GAB2: variants seen among roughly 807,000 people sequenced by gnomAD.
GAB2 encodes GRB2-associated-binding protein 2.
Under a neutral mutation model 65.5 loss-of-function variants are expected in GAB2, and 26 were observed. The observed-to-expected ratio is 0.40, with a 90% CI of 0.29 to 0.55. The LOEUF (loss-of-function observed/expected upper bound fraction) is 0.55. Among genes scored for constraint, GAB2 ranks in the 20% least tolerant of loss-of-function variants. GAB2 has a pLI of 0.53. For missense variants in GAB2, 884 were observed against 875.8 expected, an observed-to-expected ratio of 1.01 and a Z score of -0.12; for synonymous variants, 321 against 329.6, an observed-to-expected ratio of 0.97 and a Z score of 0.28.
chr11:78,390,484 G>A (rs534980707), intron 1 of GAB2, among the ~76,000 whole-genome samples: 5 of 152,294 alleles, frequency 3.3e-5, no homozygotes, highest in African/African-American at 1.2e-4. Context: ...AGCTACTCGG[G>A]AGGCTGATGC....
At chr11:78,375,042 AT>A (rs1856615681) in intron 1 of GAB2, among the ~76,000 whole-genome samples, 1 of 152,130 alleles carries the variant, frequency 6.6e-6, no homozygotes, top group Admixed American at 6.6e-5. Flanking sequence ...TATTTCGTTT[AT>A]TTATTTTGTA....
At chr11:78,304,245 G>A (rs1855301276) in intron 1 of GAB2, among the ~76,000 whole-genome samples, 1 of 151,866 alleles carries the variant, frequency 6.6e-6, no homozygotes, top group Non-Finnish European at 1.5e-5. Context: ...CCCCTTTCAA[G>A]TATACAATTT....
In GAB2 at chr11:78,215,480, ATAACT is replaced by A. The variant is rs1225384918; in HGVS notation, c.*3787_*3791del. On this transcript the variant is annotated 3_prime_UTR_variant, in exon 10 of 10. Transcript: ENST00000361507. Reference sequence around the variant, plus strand: ...AAAAAGAATACAACAGAATAAATTAATAACTTAAGTGATTAGGCACCAACAGTGAT... The same window carrying A: ...AAAAAGAATACAACAGAATAAATTAATAAGTGATTAGGCACCAACAGTGAT... The A allele has an allele frequency of 1.3e-5, 2 of 152,686 alleles. No homozygotes were observed. Among genetic ancestry groups the A allele is most frequent in the Non-Finnish European group, 2.9e-5 (2 of 68,050 alleles). 9.5% of individuals were successfully genotyped at this position (152,686 alleles called of 1,614,324 possible). A position where few individuals can be genotyped will look rare whatever the true frequency, so the allele number is the denominator to read the frequency against.
At chr11:78,277,935 T>C (rs1309191389) in intron 2 of GAB2, among the ~76,000 whole-genome samples, 1 of 152,234 alleles carries the variant, frequency 6.6e-6, no homozygotes, top group Admixed American at 6.5e-5. Flanking sequence ...CTCTGCCTTA[T>C]GCCCTTTGGC....
chr11:78,363,784 C>A (rs1856464111), intron 1 of GAB2, among the ~76,000 whole-genome samples: 1 of 151,906 alleles, frequency 6.6e-6, no homozygotes, highest in Admixed American at 6.6e-5. Context: ...TGGGGTTTTG[C>A]CACGTTGCCT....
intron 1 of GAB2, among the ~76,000 whole-genome samples, chr11:78,284,312 C>T (rs1866413972): frequency 6.6e-6 from 1 of 152,238 alleles, no homozygotes; most frequent in Non-Finnish European, 1.5e-5. Context: ...TTTCATCCTG[C>T]AGTCTATCCT....
At chr11:78,410,207 T>C (rs1282576070) in intron 1 of GAB2, among the ~76,000 whole-genome samples, 2 of 152,128 alleles carry the variant, frequency 1.3e-5, no homozygotes, top group African/African-American at 4.8e-5. Context: ...TAAACTACTA[T>C]ATAAAAAAAT....
intron 2 of GAB2, among the ~76,000 whole-genome samples, chr11:78,272,913 A>AG (rs1443699355): frequency 1.3e-5 from 2 of 152,234 alleles, no homozygotes; most frequent in Admixed American, 6.5e-5. Flanking sequence ...CGTGACTAAA[A>AG]GGGGCCAAGG....
intron 3 of GAB2, chr11:78,231,794 T>C (rs1864859705): frequency 6.6e-6 from 1 of 152,272 alleles, no homozygotes; most frequent in Non-Finnish European, 1.5e-5. Flanking sequence ...AGAACCCTAA[T>C]GATGAAGGAC....
chr11:78,347,675 T>A (rs10899481), intron 1 of GAB2, among the ~76,000 whole-genome samples: 38,740 of 151,900 alleles, frequency 0.26, 5,613 homozygotes, highest in East Asian at 0.41. Flanking sequence ...AGCTAAAACA[T>A]CTCCTACAAG....
intron 2 of GAB2, among the ~76,000 whole-genome samples, chr11:78,269,866 G>C (rs1865966798): frequency 6.6e-6 from 1 of 152,188 alleles, no homozygotes; most frequent in African/African-American, 2.4e-5. Context: ...TTCCTGCCAA[G>C]GAGTTCGAGA....
At chr11:78,417,094 C>T (rs1042989612) in intron 1 of GAB2, among the ~76,000 whole-genome samples, 4 of 152,200 alleles carry the variant, frequency 2.6e-5, no homozygotes, top group Non-Finnish European at 4.4e-5. Flanking sequence ...TCACTTAATA[C>T]AAGGGCTGCA....
intron 2 of GAB2, among the ~76,000 whole-genome samples, chr11:78,270,725 A>G (rs1865988044): frequency 6.6e-6 from 1 of 152,228 alleles, no homozygotes; most frequent in African/African-American, 2.4e-5. Context: ...ATCTTGTCCT[A>G]CAGACATAGA....
chr11:78,348,750 TC>T (rs1363943181), intron 1 of GAB2, among the ~76,000 whole-genome samples: 1 of 152,176 alleles, frequency 6.6e-6, no homozygotes, highest in Non-Finnish European at 1.5e-5. Flanking sequence ...AAATGTATGC[TC>T]CACAGAAAGA....
chr11:78,266,464 AG>A (rs140400856), intron 2 of GAB2, among the ~76,000 whole-genome samples: 1,605 of 152,272 alleles, frequency 0.011, 35 homozygotes, highest in African/African-American at 0.038. Flanking sequence ...GAATTTACTG[AG>A]AAAATCCCAT....
intron 1 of GAB2, among the ~76,000 whole-genome samples, chr11:78,291,294 C>CAAAAAAAAAAAAAAAAAAAAAA (rs397848614): frequency 9.6e-6 from 1 of 103,894 alleles, no homozygotes; most frequent in African/African-American, 3.9e-5. Flanking sequence ...ACTAAAACGA[C>CAAAAAAAAAAAAAAAAAAAAAA]AAAAAAAAAA....
At chr11:78,323,563 A>C (rs1230072505) in intron 1 of GAB2, among the ~76,000 whole-genome samples, 1 of 151,800 alleles carries the variant, frequency 6.6e-6, no homozygotes, top group Non-Finnish European at 1.5e-5. Flanking sequence ...TAATGTTCTC[A>C]CTTATATGTG....
rs1866811044 is a variant in GAB2, at chr11:78,295,932, G to A, written c.76-15031C>T. Among the ~76,000 whole-genome samples the A allele has an allele frequency of 2.0e-5, 3 of 152,282 alleles. No individual in the cohort carries two copies. The South Asian group carries it at 6.2e-4, about 32-fold the overall frequency. ...TATTGAATCATTCCTCTGGGGCAGC[G>A]ATCCCCAACCTTTTTGGCACCAACG... On this transcript the variant is annotated intron_variant, in intron 1 of 9. Coordinates refer to ENST00000361507, the MANE Select transcript of GAB2 (RefSeq NM_080491.3).
intron 2 of GAB2, among the ~76,000 whole-genome samples, chr11:78,252,844 C>T (rs1343930195): frequency 2.0e-5 from 3 of 152,116 alleles, no homozygotes; most frequent in African/African-American, 7.2e-5. Context: ...TGTTCCCTGT[C>T]TCAGTGAGGT....
Sources: allele counts gnomAD v4.1 joint callset (sites outside exome capture counted in the v4.1 genomes callset), GRCh38; gene constraint gnomAD v4.1.1; transcripts MANE v1.5; gene names NCBI Gene and HGNC (gene_info 2026-07-23, HGNC 2026-07-21).